XPO1: variants seen among roughly 807,000 people sequenced by gnomAD.
The protein encoded by XPO1 is exportin-1.
A neutral mutation model predicts 133.3 loss-of-function variants in XPO1; 5 were observed. That is an observed-to-expected ratio of 0.04 (90% CI 0.02 to 0.08). XPO1 has a LOEUF of 0.08. Among genes scored for constraint, XPO1 ranks in the 10% least tolerant of loss-of-function variants. The pLI is 1.00. For missense variants in XPO1, 506 were observed against 1,267.5 expected (o/e 0.40, Z 9.12); for synonymous variants, 419 against 408.2 (o/e 1.03, Z -0.32).
intron 9 of XPO1, among the ~76,000 whole-genome samples, chr2:61,497,593 T>C (rs528804532): frequency 6.6e-6 from 1 of 152,356 alleles, no homozygotes; most frequent in East Asian, 1.9e-4. Context: ...CTTTTAGGAA[T>C]GTTATACTTT....
chr2:61,484,711 T>G (rs1696589423), intron 20 of XPO1: 1 of 152,618 alleles, frequency 6.6e-6, no homozygotes, highest in Non-Finnish European at 1.5e-5. Context: ...CACTGCAAGC[T>G]CCGCCTCCCG....
intron 4 of XPO1, among the ~76,000 whole-genome samples, chr2:61,506,090 C>CAAATAAAT (rs565621930): frequency 1.3e-5 from 2 of 151,772 alleles, no homozygotes; most frequent in Admixed American, 1.3e-4. Flanking sequence ...CAAGGCTTGC[C>CAAATAAAT]AAATAAATAA....
intron 4 of XPO1, among the ~76,000 whole-genome samples, chr2:61,522,243 G>A (rs1698730148): frequency 6.6e-6 from 1 of 152,056 alleles, no homozygotes; most frequent in South Asian, 2.1e-4. Flanking sequence ...TTTTTGTCCA[G>A]ATGAGGTCTT....
chr2:61,533,909 AAT>A lies in XPO1; in HGVS notation c.-6-8_-6-7del. The A allele has an allele frequency of 6.6e-7, 1 of 1,514,998 alleles. No individual in the cohort carries two copies. Among genetic ancestry groups the A allele is most frequent in the African/African-American group, 1.4e-5 (1 of 70,904 alleles). The allele number at this position is 1,514,998 out of a possible 1,614,324, so 93.8% of individuals were successfully genotyped here. A position where few individuals can be genotyped will look rare whatever the true frequency, so the allele number is the denominator to read the frequency against. On this transcript the variant is annotated splice_polypyrimidine_tract_variant and splice_region_variant and intron_variant, in intron 1 of 24. Coordinates refer to ENST00000401558, the MANE Select transcript of XPO1 (RefSeq NM_003400.4). ...ATAATTGCTGGCATAGATTACTGAAAATAAAGAAAAAAAATTGAAGCTGCCTA... is the reference window on the plus strand; with the variant it reads ...ATAATTGCTGGCATAGATTACTGAAAAAAGAAAAAAAATTGAAGCTGCCTA...
intron 18 of XPO1, 30 bp downstream of exon 18, chr2:61,488,558 T>G (rs1696806583): frequency 7.5e-6 from 12 of 1,601,488 alleles, no homozygotes; most frequent in Non-Finnish European, 9.4e-6. Context: ...TTGTTTATAC[T>G]GCATTGTGTA....
At chr2:61,526,629 C>A in intron 2 of XPO1, 108 bp from the exon 3 acceptor site, 2 of 752,076 alleles carry the variant, frequency 2.7e-6, no homozygotes. Flanking sequence ...GACAGAGATT[C>A]TATTATTGAT....
chr2:61,530,773 T>C (rs1699117404), intron 2 of XPO1, among the ~76,000 whole-genome samples: 1 of 151,846 alleles, frequency 6.6e-6, no homozygotes, highest in African/African-American at 2.4e-5. Context: ...CAGTTGACTT[T>C]AAAAGCTTAA....
intron 4 of XPO1, among the ~76,000 whole-genome samples, chr2:61,518,966 C>A (rs1039805734): frequency 2.0e-5 from 3 of 151,890 alleles, no homozygotes; most frequent in African/African-American, 7.3e-5. Context: ...CTATCTTTTG[C>A]TCTTTTTTTT....
intron 11 of XPO1, 128 bp from the exon 12 acceptor site, chr2:61,494,219 C>A: frequency 1.2e-6 from 1 of 856,498 alleles, no homozygotes; most frequent in Non-Finnish European, 1.7e-6. Context: ...GATTTCAATA[C>A]TTATCAAATA....
intron 24 of XPO1, among the ~76,000 whole-genome samples, chr2:61,479,576 C>T (rs1032536230): frequency 2.0e-5 from 3 of 152,158 alleles, no homozygotes; most frequent in African/African-American, 7.2e-5. Flanking sequence ...TATACACCTA[C>T]TATGTATTCA....
chr2:61,481,429 G>A (rs1020814752), intron 23 of XPO1, 148 bp from the exon 24 acceptor site: 13 of 419,092 alleles, frequency 3.1e-5, no homozygotes, highest in Admixed American at 9.2e-5. Context: ...CTGCCTCAGC[G>A]TCCCAATAAT....
chr2:61,508,873 T>A (rs921294560), intron 4 of XPO1, among the ~76,000 whole-genome samples: 4 of 152,280 alleles, frequency 2.6e-5, no homozygotes. Context: ...AAAGATGCAG[T>A]CCTAGAAAAA....
In XPO1 at chr2:61,485,748, A is replaced by G. The variant is rs961990131; in HGVS notation, c.2508+20T>C. On this transcript the variant is annotated intron_variant, in intron 20 of 24. Transcript: ENST00000401558. ...CTATCCTGCAGAATTTCCCCCTTAC[A>G]TAACTGAAATATTACACACCTTATT... 9 of 1,581,948 alleles carry G rather than the reference A, an allele frequency of 5.7e-6. No individual in the cohort carries two copies. The highest frequency in any genetic ancestry group is 2.3e-5 in the East Asian group (1 of 44,318).
At chr2:61,526,277 T>C (rs531370451) in intron 3 of XPO1, 143 bp downstream of exon 3, 1 of 1,449,618 alleles carries the variant, frequency 6.9e-7, no homozygotes, top group East Asian at 2.6e-5. Flanking sequence ...ATTAATTATA[T>C]GCTTAAGACT....
chr2:61,494,372 T>C (rs1042428880), intron 11 of XPO1: 1 of 308,388 alleles, frequency 3.2e-6, no homozygotes, highest in African/African-American at 2.2e-5. Context: ...TGGGTGCCAA[T>C]AAGTGGTATC....
Position 61,497,921 on chromosome 2 carries a change from G to A in XPO1, c.759+752C>T, listed in dbSNP as rs557280816. 2.6e-5 allele frequency among the ~76,000 whole-genome samples: 4 copies of A among 152,266 alleles called. No homozygotes were observed. In the East Asian group the frequency reaches 7.7e-4, roughly 29 times the overall value. ...TTTTTACATAATTAAGCAATAAACTGATCATTCAAATACTATAAATCCATA... is the reference window on the plus strand; with the variant it reads ...TTTTTACATAATTAAGCAATAAACTAATCATTCAAATACTATAAATCCATA... On this transcript the variant is annotated intron_variant, in intron 9 of 24. Transcript: ENST00000401558.
chr2:61,515,166 G>A (rs1358003072), intron 4 of XPO1, among the ~76,000 whole-genome samples: 4 of 151,798 alleles, frequency 2.6e-5, no homozygotes, highest in Admixed American at 2.6e-4. Context: ...GAAGGTGAAA[G>A]TAATCGGATA....
intron 21 of XPO1, 160 bp from the exon 22 acceptor site, chr2:61,483,251 G>C: frequency 2.9e-6 from 2 of 680,586 alleles, no homozygotes; most frequent in Non-Finnish European, 4.7e-6. Context: ...ATTAATAATG[G>C]AATACAACTA....
chr2:61,530,374 C>A (rs1699096397), intron 2 of XPO1, among the ~76,000 whole-genome samples: 1 of 151,850 alleles, frequency 6.6e-6, no homozygotes, highest in East Asian at 1.9e-4. Context: ...AACTTAAAAC[C>A]CCAGCAGGGG....
Sources: gnomAD v4.1 joint callset for allele counts (sites outside exome capture counted in the v4.1 genomes callset) on GRCh38, gnomAD v4.1.1 for gene constraint, MANE v1.5 for transcripts, NCBI Gene and HGNC (gene_info 2026-07-23, HGNC 2026-07-21) for gene names.